Variants in CERKL observed in about 807,000 individuals in gnomAD.
The protein encoded by CERKL is ceramide kinase-like protein.
Under a neutral mutation model 63.4 loss-of-function variants are expected in CERKL, and 61 were observed. The ratio of observed to expected loss-of-function variants is 0.96; its 90% CI spans 0.78 to 1.19. The LOEUF is 1.19. CERKL is among the 50% of genes most tolerant of loss of function. The pLI is 0.00. For synonymous variants in CERKL, 250 were observed against 230.5 expected (o/e 1.08, Z -0.77); for missense variants, 675 against 655.5 (o/e 1.03, Z -0.33).
In CERKL at chr2:181,558,067, T is replaced by C. The variant is rs899322957; in HGVS notation, c.820+499A>G. On this transcript the variant is annotated intron_variant, in intron 5 of 12. Coordinates refer to ENST00000410087, the MANE Select transcript of CERKL (RefSeq NM_201548.5). This position sits in a 1 kb window ranked among gnomAD's most constrained non-coding sequence, Gnocchi z 4.2. ...GCCTTGCCCTTAAGAATCTCACCCT[T>C]CCAAACCTTATCCTCCCTTCCAGTC... 2.4e-4 allele frequency among the ~76,000 whole-genome samples: 36 copies of C among 152,276 alleles called. No individual in the cohort carries two copies. Among genetic ancestry groups the C allele is most frequent in the African/African-American group, 8.4e-4 (35 of 41,550 alleles).
At chr2:181,549,908 T>G (rs1166147660) in intron 5 of CERKL, among the ~76,000 whole-genome samples, 200 bp from the exon 6 acceptor site, 2 of 152,236 alleles carry the variant, frequency 1.3e-5, no homozygotes, top group Non-Finnish European at 2.9e-5. Flanking sequence ...GTCTACACAT[T>G]TGTTCAATAT....
intron 3 of CERKL, 38 bp from the exon 4 acceptor site, chr2:181,566,159 T>C: frequency 6.7e-7 from 1 of 1,493,598 alleles, no homozygotes; most frequent in African/African-American, 1.4e-5. Flanking sequence ...AAAGTGACAG[T>C]TTTAAACAAT....
chr2:181,606,780 A>G (rs1014842988), intron 1 of CERKL, among the ~76,000 whole-genome samples: 1 of 152,134 alleles, frequency 6.6e-6, no homozygotes, highest in Non-Finnish European at 1.5e-5. Flanking sequence ...TCCTTCAGGT[A>G]TCAGAAAATC....
At chr2:181,561,678 T>C (rs189671380) in intron 4 of CERKL, among the ~76,000 whole-genome samples, 79 of 152,294 alleles carry the variant, frequency 5.2e-4, no homozygotes, top group African/African-American at 1.9e-3. Flanking sequence ...AACTAAGAGT[T>C]TGATACCTTT....
chr2:181,592,278 A>C (rs1432590374), intron 2 of CERKL, among the ~76,000 whole-genome samples: 2 of 152,166 alleles, frequency 1.3e-5, no homozygotes. Flanking sequence ...GACAGCTCTA[A>C]AATTGCCAGA....
intron 2 of CERKL, among the ~76,000 whole-genome samples, chr2:181,587,976 G>A (rs1291561563): frequency 6.6e-6 from 1 of 152,004 alleles, no homozygotes; most frequent in Non-Finnish European, 1.5e-5. Context: ...ACCAATTAGA[G>A]AGTTTAAAAT....
At chr2:181,634,835 A>C (rs2105491528) in intron 1 of CERKL, among the ~76,000 whole-genome samples, 1 of 152,294 alleles carries the variant, frequency 6.6e-6, no homozygotes, top group African/African-American at 2.4e-5. Context: ...CATTATTTTA[A>C]TGTAAAGCAA....
At chr2:181,623,594 TC>T (rs1686552299) in intron 1 of CERKL, among the ~76,000 whole-genome samples, 1 of 152,226 alleles carries the variant, frequency 6.6e-6, no homozygotes, top group Admixed American at 6.5e-5. Flanking sequence ...CCAGTCTTGT[TC>T]CACACAGAGA....
intron 2 of CERKL, among the ~76,000 whole-genome samples, chr2:181,589,151 C>G (rs572641877): frequency 2.2e-4 from 33 of 152,200 alleles, no homozygotes; most frequent in African/African-American, 7.2e-4. Flanking sequence ...AAATGATTGC[C>G]AGACTTAAAT....
rs564357446 is a variant in CERKL at position 181,603,851 on chromosome 2, T to C, written c.467A>G (p.Lys156Arg). 24 of 1,613,452 alleles carry C rather than the reference T, an allele frequency of 1.5e-5. No individual in the cohort carries two copies. The South Asian group carries it at 2.6e-4, about 18-fold the overall frequency. ...GGAGTACTTACCTGCCAATATTTTC[T>C]TGAACTGTCTAAACCATATGTCACA... is the stretch of plus-strand genomic sequence containing the variant. ...DHCDIWFRQFKKILAGFPNRP... is the reference protein window; with the variant it reads ...DHCDIWFRQFRKILAGFPNRP... The change falls in exon 2 of 13, where the codon AAG becomes AGG. Residue 156 changes from lysine to arginine, a missense_variant. Physicochemically the swap from Lys to Arg is conservative, Grantham distance 26. Transcript: ENST00000410087.
At position 181,573,883 on chromosome 2, in the gene CERKL, G is replaced by A. The variant is rs201528726; in HGVS notation, c.483C>T (p.Gly161=). 6.2e-7 allele frequency: 1 copy of A among 1,612,060 alleles called. No individual in the cohort carries two copies. Among genetic ancestry groups the A allele is most frequent in the Non-Finnish European group, 8.5e-7 (1 of 1,179,090 alleles). The change falls in exon 3 of 13, where the codon GGC becomes GGT. Residue 161 remains glycine (G), a splice_region_variant and synonymous_variant. Coordinates refer to ENST00000410087, the MANE Select transcript of CERKL (RefSeq NM_201548.5). Reference sequence around the variant, plus strand: ...TTAATGACTTCGGTCTGTTTGGAAAGCCTAAGAAGAAATTTTAAAGACAAA... The same window carrying A: ...TTAATGACTTCGGTCTGTTTGGAAAACCTAAGAAGAAATTTTAAAGACAAA... ...WFRQFKKILA[G]FPNRPKSLKI...
rs561281083 is a variant in CERKL, at chr2:181,599,556, C to T, written c.481+4281G>A. Among the ~76,000 whole-genome samples the T allele has an allele frequency of 9.3e-5, 14 of 151,140 alleles. No homozygotes were observed. The South Asian group carries it at 2.9e-3, about 32-fold the overall frequency. On this transcript the variant is annotated intron_variant, in intron 2 of 12. Coordinates refer to ENST00000410087, the MANE Select transcript of CERKL (RefSeq NM_201548.5). ...CATCTCAAAACAAAACAAAACAAAA[C>T]AAAACAACACTTGGAAGTTTTAACA...
intron 1 of CERKL, chr2:181,650,079 A>AAGGGAGGGAGGGAGGGAGGGAGGG (rs34125706): frequency 2.3e-5 from 1 of 44,402 alleles, no homozygotes; most frequent in Non-Finnish European, 4.3e-5. Context: ...AGCAATACAG[A>AAGGGAGGGAGGGAGGGAGGGAGGG]AGGGAGGGAG....
chr2:181,555,752 CTT>C (rs34713780), intron 5 of CERKL, among the ~76,000 whole-genome samples: 142 of 120,106 alleles, frequency 1.2e-3, no homozygotes, highest in African/African-American at 2.7e-3. Context: ...CATTATTAAA[CTT>C]TTTTTTTTTT....
chr2:181,651,787 AG>A, intron 1 of CERKL, among the ~76,000 whole-genome samples: 1 of 152,120 alleles, frequency 6.6e-6, no homozygotes, highest in African/African-American at 2.4e-5. Context: ...GCTCCACAAA[AG>A]AACTGTTAGA....
intron 1 of CERKL, among the ~76,000 whole-genome samples, chr2:181,631,560 C>T (rs1686959380): frequency 6.6e-6 from 1 of 152,120 alleles, no homozygotes; most frequent in Admixed American, 6.5e-5. Context: ...TCCACAGCAC[C>T]CCCCTTCATG....
chr2:181,628,429 G>C (rs775442081), intron 1 of CERKL, among the ~76,000 whole-genome samples: 1 of 152,126 alleles, frequency 6.6e-6, no homozygotes, highest in Non-Finnish European at 1.5e-5. Context: ...AATAACTATG[G>C]ATTTGTTCCA....
chr2:181,548,342 G>A (rs1236319237), intron 8 of CERKL: 2 of 580,624 alleles, frequency 3.4e-6, no homozygotes, highest in Non-Finnish European at 3.0e-6. Flanking sequence ...GGGGAAGGAA[G>A]GGAGGAAAGA....
chr2:181,656,926 A>T lies in CERKL; in HGVS notation c.81T>A (p.Ala27=). 6.3e-7 allele frequency: 1 copy of T among 1,594,960 alleles called. No homozygotes were observed. Among genetic ancestry groups the T allele is most frequent in the Non-Finnish European group, 8.6e-7 (1 of 1,169,512 alleles). The change falls in exon 1 of 13, where the codon GCT becomes GCA. Residue 27 remains alanine, a synonymous_variant. Transcript: ENST00000410087. ...REEEAPPEAA[A]VPPALLTSPQ... ...GGGACGTTAACAGCGCCGGAGGCAC[A>T]GCGGCAGCCTCCGGGGGCGCCTCTT...
Sources: allele counts gnomAD v4.1 joint callset (sites outside exome capture counted in the v4.1 genomes callset), GRCh38; gene constraint gnomAD v4.1.1; non-coding constraint Gnocchi (gnomAD v3.1); transcripts MANE v1.5; gene names NCBI Gene and HGNC (gene_info 2026-07-23, HGNC 2026-07-21).